Variants in ATP2C1 observed in about 807,000 individuals in gnomAD.
ATP2C1 encodes the protein ATPase secretory pathway Ca2+ transporting 1.
A neutral mutation model predicts 120.5 loss-of-function variants in ATP2C1; 31 were observed. The observed-to-expected ratio is 0.26, with a 90% CI of 0.19 to 0.35. ATP2C1 has a LOEUF of 0.35. Ranked by LOEUF, ATP2C1 falls within the 10% of genes least tolerant of loss-of-function variation. ATP2C1 has a pLI of 1.00. For synonymous variants in ATP2C1, 351 were observed against 358.7 expected (o/e 0.98, Z 0.24); for missense variants, 731 against 1,107.5 (o/e 0.66, Z 4.83).
At chr3:130,947,909 A>G (rs1258738298) in intron 8 of ATP2C1, among the ~76,000 whole-genome samples, 2 of 152,120 alleles carry the variant, frequency 1.3e-5, no homozygotes, top group African/African-American at 4.8e-5. Context: ...TCTTATAACA[A>G]TCTATTTGAA....
chr3:131,012,260 CT>C lies in ATP2C1; in HGVS notation c.2630-3875del, dbSNP rs71620100. ...CGGTCTTACATGGTTTTTCTTTTTT[CT>C]TTTTTTTTTTTTTTTTGAGACAGTC... On this transcript the variant is annotated intron_variant, in intron 26 of 26. Coordinates refer to the ATP2C1 transcript ENST00000328560. Among the ~76,000 whole-genome samples, 864 of 127,174 alleles carry C rather than the reference CT, an allele frequency of 6.8e-3. 5 individuals carry two copies. Among genetic ancestry groups the C allele is most frequent in the African/African-American group, 0.023 (779 of 33,836 alleles). 83.4% of individuals were successfully genotyped at this position (127,174 alleles called of 152,430 possible).
intron 2 of ATP2C1, among the ~76,000 whole-genome samples, chr3:130,903,931 A>G (rs537377550): frequency 5.9e-5 from 9 of 152,196 alleles, no homozygotes; most frequent in East Asian, 5.8e-4. Flanking sequence ...ATGTATCAGT[A>G]GATGGAGTAT....
chr3:131,011,392 C>G (rs1265697071), intron 26 of ATP2C1, among the ~76,000 whole-genome samples: 1 of 152,190 alleles, frequency 6.6e-6, no homozygotes, highest in Admixed American at 6.5e-5. Context: ...GCCCAGAGTT[C>G]CTTTTGTTAC....
In ATP2C1 at chr3:130,997,714, A is replaced by T; in HGVS notation, c.2352A>T (p.Ile784=). 1 of 1,613,786 alleles carries T rather than the reference A, an allele frequency of 6.2e-7. No homozygotes were observed. The highest frequency in any genetic ancestry group is 8.5e-7 in the Non-Finnish European group (1 of 1,179,780). ...NLILKILVSS[I]IIVCGTLFVF... Reference sequence around the variant, plus strand: ...TACTTAAAATACTTGTTTCATCAATAATCATTGTTTGTGGGACTTTGTTTG... The same window carrying T: ...TACTTAAAATACTTGTTTCATCAATTATCATTGTTTGTGGGACTTTGTTTG... The change falls in exon 25 of 28, where the codon ATA becomes ATT. Residue 784 remains isoleucine (I), a synonymous_variant. Transcript: ENST00000510168.
intron 20 of ATP2C1, among the ~76,000 whole-genome samples, chr3:130,990,117 C>T (rs1184303432): frequency 6.6e-6 from 1 of 151,928 alleles, no homozygotes; most frequent in African/African-American, 2.4e-5. Context: ...AAGGAGAGAA[C>T]CAGGGAACAG....
In ATP2C1 at chr3:130,967,428, C is replaced by A. The variant is rs2061095966; in HGVS notation, c.1308+9C>A. The stretch of plus-strand genomic sequence containing the variant: ...TTGCTCTTGCAATGAAGGTACGTAC[C>A]TAAATTTCTCTTCTTTGACATTTGA... On this transcript the variant is annotated intron_variant, in intron 16 of 27. Coordinates refer to ENST00000510168, the MANE Select transcript of ATP2C1 (RefSeq NM_001378687.1). 6.2e-7 allele frequency: 1 copy of A among 1,609,534 alleles called. No individual in the cohort carries two copies. The highest frequency in any genetic ancestry group is 2.2e-5 in the East Asian group (1 of 44,770).
intron 2 of ATP2C1, among the ~76,000 whole-genome samples, chr3:130,929,532 G>T (rs766443142): frequency 3.9e-5 from 6 of 152,214 alleles, no homozygotes; most frequent in Non-Finnish European, 7.3e-5. Context: ...TGGGCAGTAA[G>T]ATGATAATTT....
intron 1 of ATP2C1, among the ~76,000 whole-genome samples, chr3:130,883,802 C>T (rs933732592): frequency 1.2e-4 from 18 of 152,062 alleles, no homozygotes; most frequent in Non-Finnish European, 5.9e-5. Context: ...AAACTTCCCT[C>T]TTAGTAGTTA....
At chr3:130,923,166 G>T (rs2059040979) in intron 2 of ATP2C1, among the ~76,000 whole-genome samples, 1 of 151,702 alleles carries the variant, frequency 6.6e-6, no homozygotes, top group African/African-American at 2.4e-5. Flanking sequence ...ATATATTTAG[G>T]ATTGCCACAT....
At chr3:130,910,207 C>A (rs545337293) in intron 2 of ATP2C1, among the ~76,000 whole-genome samples, 3 of 151,592 alleles carry the variant, frequency 2.0e-5, no homozygotes, top group African/African-American at 7.3e-5. Context: ...CTCTTTGAAG[C>A]AATTGTGAAT....
chr3:130,904,255 T>C (rs1246247640), intron 2 of ATP2C1, among the ~76,000 whole-genome samples: 2 of 152,044 alleles, frequency 1.3e-5, no homozygotes, highest in African/African-American at 2.4e-5. Flanking sequence ...TTATAAACTA[T>C]CCTTTTTCTA....
At chr3:130,975,222 G>C (rs2061489147) in intron 17 of ATP2C1, 110 bp from the exon 18 acceptor site, 2 of 1,110,776 alleles carry the variant, frequency 1.8e-6, no homozygotes, top group Non-Finnish European at 2.7e-6. Flanking sequence ...CCTTAGGCTT[G>C]AGTAACTTCT....
chr3:130,908,877 C>T (rs2058261911), intron 2 of ATP2C1, among the ~76,000 whole-genome samples: 1 of 151,816 alleles, frequency 6.6e-6, no homozygotes, highest in Admixed American at 6.6e-5. Context: ...TTCTTGGGTA[C>T]AAATATTTAA....
intron 13 of ATP2C1, among the ~76,000 whole-genome samples, chr3:130,964,481 T>C (rs536800070): frequency 2.5e-4 from 38 of 152,224 alleles, no homozygotes; most frequent in Admixed American, 1.7e-3. Context: ...ACAGTAGTTA[T>C]ATTGCTGTAA....
Position 130,980,566 on chromosome 3 carries a change from C to T in ATP2C1, c.1742-16C>T, listed in dbSNP as rs2061711713. ...AACAATTTGGTTTATTACATTTTCT[C>T]TCTCATTTGCTTTAGCCAGTCGTCT... On this transcript the variant is annotated splice_polypyrimidine_tract_variant and intron_variant, in intron 19 of 27. Transcript: ENST00000510168. 6.3e-7 allele frequency: 1 copy of T among 1,597,322 alleles called. No individual in the cohort carries two copies. The highest frequency in any genetic ancestry group is 1.3e-5 in the African/African-American group (1 of 74,672).
rs202122157 is a variant in ATP2C1, at chr3:130,852,338, A to AT, written c.108+1420dup. On this transcript the variant is annotated intron_variant, in intron 1 of 26. Coordinates refer to the ATP2C1 transcript ENST00000504381. ...ACAACTGTGGAATGTGAATTGAGTG[A>AT]TTTTTTTTTTCTCAGTATTGTAAGT... 6.1e-3 allele frequency among the ~76,000 whole-genome samples: 918 copies of AT among 150,450 alleles called. 13 individuals are homozygous for AT. The highest frequency in any genetic ancestry group is 0.021 in the African/African-American group (853 of 40,994).
chr3:130,906,408 A>G (rs1477427118), intron 2 of ATP2C1, among the ~76,000 whole-genome samples: 3 of 152,098 alleles, frequency 2.0e-5, no homozygotes, highest in African/African-American at 2.4e-5. Flanking sequence ...ATTCCATTGT[A>G]TGGATATACA....
intron 1 of ATP2C1, among the ~76,000 whole-genome samples, chr3:130,876,601 G>A (rs1280980336): frequency 6.6e-6 from 1 of 152,086 alleles, no homozygotes; most frequent in African/African-American, 2.4e-5. Context: ...GGTTCCTCAG[G>A]ATCTTTTGTG....
At chr3:130,864,555 A>G (rs1237977496) in intron 1 of ATP2C1, among the ~76,000 whole-genome samples, 1 of 152,196 alleles carries the variant, frequency 6.6e-6, no homozygotes, top group Non-Finnish European at 1.5e-5. Context: ...AGAGACCTTC[A>G]CAGCAGCCCC....
Sources: allele counts gnomAD v4.1 joint callset (sites outside exome capture counted in the v4.1 genomes callset), GRCh38; gene constraint gnomAD v4.1.1; transcripts MANE v1.5; gene names NCBI Gene and HGNC (gene_info 2026-07-23, HGNC 2026-07-21).